The following TM9SF4 variants were observed in gnomAD, a reference collection of about 807,000 sequenced individuals.
TM9SF4 encodes transmembrane 9 superfamily member 4.
A neutral mutation model predicts 90.4 loss-of-function variants in TM9SF4; 26 were observed. That is an observed-to-expected ratio of 0.29 (90% confidence interval 0.21 to 0.40). TM9SF4 has a LOEUF of 0.40. Among genes scored for constraint, TM9SF4 ranks in the 10% least tolerant of loss-of-function variants. The probability of loss-of-function intolerance (pLI) is 1.00; values close to 1 mark genes in which losing one functional copy is unlikely to be tolerated. For synonymous variants in TM9SF4, 293 were observed against 315.4 expected (o/e 0.93, Z 0.75); for missense variants, 549 against 834.8 (o/e 0.66, Z 4.22).
At chr20:32,112,693 CAA>C (rs11406793) in intron 1 of TM9SF4, among the ~76,000 whole-genome samples, 17 of 121,658 alleles carry the variant, frequency 1.4e-4, no homozygotes, top group Admixed American at 2.5e-4. Flanking sequence ...GACCCTATCT[CAA>C]AAAAAAAAAA....
intron 1 of TM9SF4, among the ~76,000 whole-genome samples, chr20:32,113,683 A>C (rs1029839800): frequency 6.6e-6 from 1 of 152,150 alleles, no homozygotes; most frequent in Non-Finnish European, 1.5e-5. Context: ...ATATGCCATA[A>C]AATTCACCCC....
chr20:32,147,155 A>G (rs147711965), intron 9 of TM9SF4, among the ~76,000 whole-genome samples: 128 of 151,824 alleles, frequency 8.4e-4, no homozygotes, highest in African/African-American at 2.9e-3. Context: ...AACTTTTTGT[A>G]TTTTTTAGTA....
At chr20:32,131,524 CTTGG>C (rs1277767150) in intron 1 of TM9SF4, among the ~76,000 whole-genome samples, 1 of 145,880 alleles carries the variant, frequency 6.9e-6, no homozygotes, top group Non-Finnish European at 1.5e-5. Context: ...TAGTTGGTTG[CTTGG>C]TTGGTTGGAT....
chr20:32,128,813 TG>T, intron 1 of TM9SF4, among the ~76,000 whole-genome samples: 1 of 149,898 alleles, frequency 6.7e-6, no homozygotes, highest in Non-Finnish European at 1.5e-5. Flanking sequence ...TGTGTGTGTG[TG>T]TGTGTGTGTG....
In TM9SF4 at chr20:32,157,980, C is replaced by T. The variant is rs1174401263; in HGVS notation, c.1505+11C>T. On this transcript the variant is annotated intron_variant, in intron 14 of 17. Transcript: ENST00000398022. Reference sequence around the variant, plus strand: ...GAACCGATTTGTGGGGTGAGTCCTCCAGCAGAGGCAAGAGCAGGGGAACGT... The same window carrying T: ...GAACCGATTTGTGGGGTGAGTCCTCTAGCAGAGGCAAGAGCAGGGGAACGT... The T allele has an allele frequency of 6.2e-7, 1 of 1,613,878 alleles. No homozygotes were observed. Among genetic ancestry groups the T allele is most frequent in the Admixed American group, 1.7e-5 (1 of 60,014 alleles).
In TM9SF4 at chr20:32,165,540, G is replaced by A. The variant is rs371364855; in HGVS notation, c.*96G>A. 15 of 1,428,120 alleles carry A rather than the reference G, an allele frequency of 1.1e-5. No individual in the cohort carries two copies. The highest frequency in any genetic ancestry group is 2.0e-4 in the Middle Eastern group (1 of 4,884). 88.5% of individuals were successfully genotyped at this position (1,428,120 alleles called of 1,614,324 possible). A position where few individuals can be genotyped will look rare whatever the true frequency, so the allele number is the denominator to read the frequency against. On this transcript the variant is annotated 3_prime_UTR_variant, in exon 18 of 18. Coordinates refer to ENST00000398022, the MANE Select transcript of TM9SF4 (RefSeq NM_014742.4). ...ACGCAAAATAAAATAACTCCTGCTC[G>A]TTTGGAATGTAACTCCTGGCACAGT... is the stretch of plus-strand genomic sequence containing the variant.
At chr20:32,154,189 A>ACT (rs2046883790) in intron 12 of TM9SF4, among the ~76,000 whole-genome samples, 1 of 151,922 alleles carries the variant, frequency 6.6e-6, no homozygotes, top group East Asian at 1.9e-4. Flanking sequence ...TTGCTCTATT[A>ACT]CCCAGGCTGG....
chr20:32,163,876 G>T (rs1227116786), intron 17 of TM9SF4, among the ~76,000 whole-genome samples: 2 of 152,082 alleles, frequency 1.3e-5, no homozygotes, highest in African/African-American at 2.4e-5. Context: ...CTCCCAAAGT[G>T]CTGGGATTAC....
chr20:32,167,230 T>A lies in TM9SF4; in HGVS notation c.*1786T>A, dbSNP rs2047110895. 1 of 152,208 alleles carries A rather than the reference T, an allele frequency of 6.6e-6. No individual in the cohort carries two copies. The highest frequency in any genetic ancestry group is 2.4e-5 in the African/African-American group (1 of 41,452). The allele number at this position is 152,208 out of a possible 1,614,324, so 9.4% of individuals were successfully genotyped here. ...GCCTGTATGCCTTTTTTTGGTCGGA[T>A]TGTAAATAAATATACCATTGTCCTA... On this transcript the variant is annotated 3_prime_UTR_variant, in exon 18 of 18. Coordinates refer to ENST00000398022, the MANE Select transcript of TM9SF4 (RefSeq NM_014742.4).
Position 32,157,838 on chromosome 20 carries a change from G to T in TM9SF4, c.1374G>T (p.Gly458=), listed in dbSNP as rs2046951860. The T allele has an allele frequency of 9.3e-6, 15 of 1,614,166 alleles. No homozygotes were observed. The highest frequency in any genetic ancestry group is 1.3e-5 in the Non-Finnish European group (15 of 1,180,030). ...TMVALLCMWF[G]ISLPLVYLGY... is the part of the protein sequence containing the mutation. The stretch of plus-strand genomic sequence containing the variant: ...TGGCTCTGCTGTGCATGTGGTTCGG[G>T]ATCTCCCTGCCCCTCGTCTACTTGG... The change falls in exon 14 of 18, where the codon GGG becomes GGT. Residue 458 remains glycine (G), a synonymous_variant. Coordinates refer to ENST00000398022, the MANE Select transcript of TM9SF4 (RefSeq NM_014742.4).
At chr20:32,160,162 T>C in intron 16 of TM9SF4, 51 bp downstream of exon 16, 2 of 1,612,138 alleles carry the variant, frequency 1.2e-6, no homozygotes, top group Non-Finnish European at 1.7e-6. Flanking sequence ...GATCCAGCAT[T>C]GAACGGGTTG....
chr20:32,154,400 C>A (rs193093207), intron 12 of TM9SF4, among the ~76,000 whole-genome samples: 1 of 151,932 alleles, frequency 6.6e-6, no homozygotes, highest in Admixed American at 6.5e-5. Flanking sequence ...TAATTTTTCT[C>A]CCCCTCAAAA....
Position 32,134,333 on chromosome 20 carries a change from A to G in TM9SF4, c.129+1207A>G, listed in dbSNP as rs1444639261. 3.3e-5 allele frequency among the ~76,000 whole-genome samples: 5 copies of G among 152,118 alleles called. No individual in the cohort carries two copies. The East Asian group carries it at 5.8e-4, about 18-fold the overall frequency. On this transcript the variant is annotated intron_variant, in intron 2 of 17. Transcript: ENST00000398022. ...TCTCTGTAACGTGCATTCTTTTCTC[A>G]TTGTCCTGAGTGAGAATGCTAAGAA...
chr20:32,136,887 G>A, intron 3 of TM9SF4: 1 of 471,234 alleles, frequency 2.1e-6, no homozygotes, highest in South Asian at 1.5e-5. Flanking sequence ...GAAGGAGAAA[G>A]GAGAGAACTG....
intron 8 of TM9SF4, 144 bp from the exon 9 acceptor site, chr20:32,146,641 T>C: frequency 1.6e-6 from 1 of 640,770 alleles, no homozygotes; most frequent in South Asian, 2.3e-5. Context: ...GAAGAGGCCT[T>C]GAGGTGGCTG....
At chr20:32,111,477 C>G (rs1253551316) in intron 1 of TM9SF4, among the ~76,000 whole-genome samples, 1 of 152,148 alleles carries the variant, frequency 6.6e-6, no homozygotes, top group Non-Finnish European at 1.5e-5. Context: ...AGTACCAATT[C>G]TGTTCCAGGA....
At chr20:32,164,823 C>G (rs1272353922) in intron 17 of TM9SF4, among the ~76,000 whole-genome samples, 1 of 152,144 alleles carries the variant, frequency 6.6e-6, no homozygotes. Flanking sequence ...CCAAAATGCT[C>G]CAAGATCAAA....
At chr20:32,140,032 T>A (rs1480060794) in intron 3 of TM9SF4, among the ~76,000 whole-genome samples, 1 of 152,212 alleles carries the variant, frequency 6.6e-6, no homozygotes, top group East Asian at 1.9e-4. Flanking sequence ...TATGAGTACA[T>A]CTATTCAACT....
At chr20:32,163,268 A>AAAAAAAATATATAT (rs1555886757) in intron 17 of TM9SF4, among the ~76,000 whole-genome samples, 1 of 74,492 alleles carries the variant, frequency 1.3e-5, no homozygotes, top group African/African-American at 5.9e-5. Context: ...AAAAAAAAAA[A>AAAAAAAATATATAT]ATATATATAT....
Sources: gnomAD v4.1 joint callset for allele counts (sites outside exome capture counted in the v4.1 genomes callset) on GRCh38, gnomAD v4.1.1 for gene constraint, MANE v1.5 for transcripts, NCBI Gene and HGNC (gene_info 2026-07-23, HGNC 2026-07-21) for gene names.